Variants in BCAN observed in about 807,000 individuals in gnomAD.
BCAN encodes brevican.
In BCAN, 51 loss-of-function variants were observed where a neutral mutation model predicts 92.4. The ratio of observed to expected loss-of-function variants is 0.55; its 90% CI spans 0.44 to 0.70. BCAN has a LOEUF of 0.70. Ranked by LOEUF, BCAN falls within the 30% of genes least tolerant of loss-of-function variation. The pLI, the probability that BCAN is intolerant of heterozygous loss-of-function variation, is 0.00. For synonymous variants in BCAN, 501 were observed against 505.2 expected (o/e 0.99, Z 0.11); for missense variants, 1,140 against 1,212.1 (o/e 0.94, Z 0.88).
intron 8 of BCAN, chr1:156,653,221 A>C: frequency 7.8e-7 from 1 of 1,284,742 alleles, no homozygotes; most frequent in Non-Finnish European, 9.8e-7. Flanking sequence ...GGTCCTCATC[A>C]CCTATTGCAG....
At chr1:156,656,421 A>G (rs556730363) in intron 9 of BCAN, 32 bp downstream of exon 9, 99 of 1,321,930 alleles carry the variant, frequency 7.5e-5, no homozygotes, top group Non-Finnish European at 9.0e-5. Flanking sequence ...GCAGGTTTGA[A>G]GCCTGGACCC....
intron 5 of BCAN, 114 bp from the exon 6 acceptor site, chr1:156,648,454 G>T: frequency 8.7e-7 from 1 of 1,148,026 alleles, no homozygotes; most frequent in Non-Finnish European, 1.2e-6. Flanking sequence ...TAGAGTAGTT[G>T]ACTCCCTGCC....
Position 156,657,861 on chromosome 1 carries a change from C to A in BCAN, c.2292+104C>A, listed in dbSNP as rs1263971814. 2.4e-5 allele frequency: 24 copies of A among 994,780 alleles called. No individual in the cohort carries two copies. The African/African-American group carries it at 4.0e-4, about 16-fold the overall frequency. The allele number at this position is 994,780 out of a possible 1,614,324, so 61.6% of individuals were successfully genotyped here. A position where few individuals can be genotyped will look rare whatever the true frequency, so the allele number is the denominator to read the frequency against. ...CGACCCTGTCCCCTTCTTTTTCCGG[C>A]CTCCTTCCCTTTCTCGTGCCCTGTG... On this transcript the variant is annotated intron_variant, in intron 11 of 13. Coordinates refer to ENST00000329117, the MANE Select transcript of BCAN (RefSeq NM_021948.5).
Position 156,652,366 on chromosome 1 carries a change from GGAGGTGGAGGAT to G in BCAN, c.1421_1432del (p.Val474_Glu477del). 6.2e-7 allele frequency: 1 copy of G among 1,613,030 alleles called. No individual in the cohort carries two copies. The highest frequency in any genetic ancestry group is 8.5e-7 in the Non-Finnish European group (1 of 1,179,410). ...AGAAAGAGGAGGAAGAAGAAGAGGA[GGAGGTGGAGGAT>G]GAGGCTCTGTGGGCATGGCCCAGCG... On this transcript the variant is annotated inframe_deletion, in exon 8 of 14. Transcript: ENST00000329117.
At chr1:156,645,353 G>A (rs1378304923) in intron 1 of BCAN, among the ~76,000 whole-genome samples, 1 of 152,276 alleles carries the variant, frequency 6.6e-6, no homozygotes, top group Admixed American at 6.5e-5. Flanking sequence ...AAGAAGAAGG[G>A]AGGAGGCAGC....
At chr1:156,653,266 T>C in intron 8 of BCAN, 1 of 1,180,094 alleles carries the variant, frequency 8.5e-7, no homozygotes, top group African/African-American at 1.6e-5. Context: ...ACTACTCCCT[T>C]CATCCGCCTG....
rs371705988 is a variant in BCAN at position 156,659,029 on chromosome 1, C to T, written c.2631C>T (p.Ala877=). ...GGGTGAGTGTGTGTCTTCCCCAGGCCCGAGCTCTGCACCCAGAGGAGGACC... is the reference window on the plus strand; with the variant it reads ...GGGTGAGTGTGTGTCTTCCCCAGGCTCGAGCTCTGCACCCAGAGGAGGACC... ...PQISCVPRRP[A]RALHPEEDPE... Residue 877 remains alanine, a splice_region_variant and synonymous_variant, in exon 14 of 14, where the codon GCC becomes GCT. Transcript: ENST00000329117. The T allele has an allele frequency of 1.1e-4, 178 of 1,596,198 alleles. No individual in the cohort carries two copies. Among genetic ancestry groups the T allele is most frequent in the Non-Finnish European group, 1.5e-4 (172 of 1,173,144 alleles).
Position 156,658,013 on chromosome 1 carries a change from C to T in BCAN, c.2293-114C>T. ...CCCGGGAGATCCCCTACCCCCTAGC[C>T]CTAACCTTCCCTCTCCTGGGGCCCC... On this transcript the variant is annotated intron_variant, in intron 11 of 13. Coordinates refer to ENST00000329117, the MANE Select transcript of BCAN (RefSeq NM_021948.5). This position sits in a 1 kb window ranked among gnomAD's most constrained non-coding sequence, Gnocchi z 4.4. 7.8e-7 allele frequency: 1 copy of T among 1,285,146 alleles called. No homozygotes were observed. The highest frequency in any genetic ancestry group is 1.1e-6 in the Non-Finnish European group (1 of 925,012). 79.6% of individuals were successfully genotyped at this position (1,285,146 alleles called of 1,614,324 possible).
Position 156,658,369 on chromosome 1 carries a change from T to G in BCAN, c.2437+98T>G. On this transcript the variant is annotated intron_variant, in intron 12 of 13. Coordinates refer to ENST00000329117, the MANE Select transcript of BCAN (RefSeq NM_021948.5). The surrounding 1 kb of genome is among the most constrained non-coding windows in gnomAD (Gnocchi z 4.4). ...TGTAGACAGAGAGTGCAAAGCAACA[T>G]AGAGGAGTCAGAACGTGTTCCAGAC... is the stretch of plus-strand genomic sequence containing the variant. The G allele has an allele frequency of 6.6e-7, 1 of 1,524,380 alleles. No homozygotes were observed. The highest frequency in any genetic ancestry group is 8.9e-7 in the Non-Finnish European group (1 of 1,124,306). 94.4% of individuals were successfully genotyped at this position (1,524,380 alleles called of 1,614,324 possible). A position where few individuals can be genotyped will look rare whatever the true frequency, so the allele number is the denominator to read the frequency against.
chr1:156,648,362 T>C (rs1320316704), intron 5 of BCAN, among the ~76,000 whole-genome samples: 1 of 152,184 alleles, frequency 6.6e-6, no homozygotes, highest in Non-Finnish European at 1.5e-5. Flanking sequence ...TGCATGACTC[T>C]GCAGAACAAG....
chr1:156,657,440 C>A (rs1679373450), intron 10 of BCAN: 1 of 552,580 alleles, frequency 1.8e-6, no homozygotes, highest in Non-Finnish European at 3.2e-6. Context: ...AGTTTTGACT[C>A]TTTTTCCAAA....
At chr1:156,645,570 C>T (rs1678933956) in intron 1 of BCAN, among the ~76,000 whole-genome samples, 1 of 152,060 alleles carries the variant, frequency 6.6e-6, no homozygotes, top group Non-Finnish European at 1.5e-5. Context: ...TAAAGAGATA[C>T]TATGGGAGAA....
At position 156,657,086 on chromosome 1, in the gene BCAN, C is replaced by T. The variant is rs751887278; in HGVS notation, c.2199C>T (p.Asp733=). The T allele has an allele frequency of 9.9e-6, 16 of 1,612,862 alleles. No individual in the cohort carries two copies. In the African/African-American group the frequency reaches 1.9e-4, roughly 19 times the overall value. Residue 733 remains aspartate, a synonymous_variant, in exon 10 of 14, where the codon GAC becomes GAT. Transcript: ENST00000329117. The part of the protein sequence containing the change: ...LASISTPEEQ[D]FINNRYREYQ... The stretch of plus-strand genomic sequence containing the variant: ...GCATCAGCACACCCGAGGAACAGGA[C>T]TTCATCAACAGTGGGCTGGGAGACA...
At chr1:156,644,706 T>C (rs933451315) in intron 1 of BCAN, 1 of 152,106 alleles carries the variant, frequency 6.6e-6, no homozygotes, top group Admixed American at 6.5e-5. Context: ...TTTCCCATCA[T>C]CTCAGGCTTA....
chr1:156,654,569 C>T (rs1469746940), intron 8 of BCAN, among the ~76,000 whole-genome samples: 1 of 152,216 alleles, frequency 6.6e-6, no homozygotes, highest in African/African-American at 2.4e-5. Flanking sequence ...AAGAGTTCTT[C>T]ACCCGACTCT....
At position 156,646,988 on chromosome 1, in the gene BCAN, G is replaced by A. The variant is rs749215883; in HGVS notation, c.279G>A (p.Ala93=). 9.7e-5 allele frequency: 156 copies of A among 1,612,862 alleles called. No homozygotes were observed. The highest frequency in any genetic ancestry group is 1.3e-4 in the Non-Finnish European group (154 of 1,179,628). ...GCCGGGAGGCAGAGGTGCTGGTGGC[G>A]CGGGGAGTGCGCGTCAAGGTGAACG... ...SRGREAEVLV[A]RGVRVKVNEA... The change falls in exon 3 of 14, where the codon GCG becomes GCA. Residue 93 remains alanine (A), a synonymous_variant. Transcript: ENST00000329117.
intron 8 of BCAN, chr1:156,653,427 A>G: frequency 2.0e-6 from 2 of 992,928 alleles, no homozygotes; most frequent in Non-Finnish European, 2.4e-6. Flanking sequence ...GTTTCATGGA[A>G]AACAAGCCTT....
chr1:156,643,323 T>A (rs1356017939), intron 1 of BCAN: 1 of 152,246 alleles, frequency 6.6e-6, no homozygotes, highest in Non-Finnish European at 1.5e-5. Context: ...TTATTAGTTT[T>A]GCTTCCAATA....
At chr1:156,648,533 C>A (rs1679057971) in intron 5 of BCAN, 35 bp from the exon 6 acceptor site, 1 of 1,546,096 alleles carries the variant, frequency 6.5e-7, no homozygotes, top group African/African-American at 1.4e-5. Context: ...GAGCTACCAG[C>A]TGCCTGATAA....
Sources: allele counts gnomAD v4.1 joint callset (sites outside exome capture counted in the v4.1 genomes callset), GRCh38; gene constraint gnomAD v4.1.1; non-coding constraint Gnocchi (gnomAD v3.1); transcripts MANE v1.5; gene names NCBI Gene and HGNC (gene_info 2026-07-23, HGNC 2026-07-21).